The following CUEDC1 variants were observed in gnomAD, a reference collection of about 807,000 sequenced individuals.
The protein encoded by CUEDC1 is CUE domain-containing protein 1.
A neutral mutation model predicts 43.7 loss-of-function variants in CUEDC1; 30 were observed. That is an observed-to-expected ratio of 0.69 (90% CI 0.51 to 0.93). The LOEUF (loss-of-function observed/expected upper bound fraction) is 0.93, where lower values mean the gene tolerates loss of function less well. Ranked by LOEUF, CUEDC1 falls within the 40% of genes least tolerant of loss-of-function variation. CUEDC1 has a pLI of 0.00. For missense variants in CUEDC1, 486 were observed against 549.0 expected (o/e 0.89, Z 1.15); for synonymous variants, 223 against 223.6 (o/e 1.00, Z 0.02).
chr17:57,866,371 C>G, intron 10 of CUEDC1, 103 bp downstream of exon 10: 2 of 1,075,340 alleles, frequency 1.9e-6, no homozygotes, highest in Non-Finnish European at 2.8e-6. Context: ...ACCCAGTTGC[C>G]TGAGCCCAGC....
intron 7 of CUEDC1, chr17:57,868,483 G>C: frequency 1.8e-6 from 1 of 548,942 alleles, no homozygotes; most frequent in Non-Finnish European, 3.3e-6. Context: ...GACACCCTGA[G>C]CCAGGCCCAG....
chr17:57,896,487 GGTGTGTGTGTGTGTGTGTGTGTGTGT>G lies in CUEDC1; in HGVS notation c.-315-10634_-315-10609del, dbSNP rs1555660568. 2.4e-3 allele frequency among the ~76,000 whole-genome samples: 312 copies of G among 130,372 alleles called. 4 individuals carry two copies. Among genetic ancestry groups the G allele is most frequent in the African/African-American group, 0.01 (308 of 30,182 alleles). The allele number at this position is 130,372 out of a possible 152,430, so 85.5% of individuals were successfully genotyped here. Reference sequence around the variant, plus strand: ...GTCACTCTACTATAGTGCATTATGGGGTGTGTGTGTGTGTGTGTGTGTGTGTGTGTGTGTGTGTGTATGAAATCCGA... The same window carrying G: ...GTCACTCTACTATAGTGCATTATGGGGTGTGTGTGTGTGTATGAAATCCGA... On this transcript the variant is annotated intron_variant, in intron 1 of 10. Coordinates refer to ENST00000577830, the MANE Select transcript of CUEDC1 (RefSeq NM_001271875.2).
chr17:57,910,242 GAGTA>G (rs1280929563), intron 1 of CUEDC1, among the ~76,000 whole-genome samples: 6 of 152,086 alleles, frequency 3.9e-5, no homozygotes, highest in Non-Finnish European at 7.4e-5. Context: ...GGAGTTCATG[GAGTA>G]AGTTTTTTTT....
At chr17:57,942,906 T>C (rs2074929646) in intron 1 of CUEDC1, among the ~76,000 whole-genome samples, 1 of 151,836 alleles carries the variant, frequency 6.6e-6, no homozygotes, top group African/African-American at 2.4e-5. Context: ...CAGGTGCCTG[T>C]AGTCCCAGCT....
chr17:57,885,690 C>A lies in CUEDC1; in HGVS notation c.-126G>T. 7.7e-7 allele frequency: 1 copy of A among 1,295,158 alleles called. No individual in the cohort carries two copies. The highest frequency in any genetic ancestry group is 9.8e-7 in the Non-Finnish European group (1 of 1,023,806). The allele number at this position is 1,295,158 out of a possible 1,614,324, so 80.2% of individuals were successfully genotyped here. A position where few individuals can be genotyped will look rare whatever the true frequency, so the allele number is the denominator to read the frequency against. On this transcript the variant is annotated 5_prime_UTR_variant, in exon 2 of 11. Transcript: ENST00000577830. ...AGCTCACTCCTGCGCCTCCTCCTCC[C>A]CGGGTAGCCAGGCAGCAATGGGCTG...
intron 1 of CUEDC1, among the ~76,000 whole-genome samples, chr17:57,941,826 A>G (rs1247721453): frequency 6.6e-6 from 1 of 152,220 alleles, no homozygotes; most frequent in Non-Finnish European, 1.5e-5. Flanking sequence ...CCTCTTACAA[A>G]TGGGAACTAT....
chr17:57,902,501 T>C (rs1397577678), intron 1 of CUEDC1, among the ~76,000 whole-genome samples: 2 of 152,204 alleles, frequency 1.3e-5, no homozygotes, highest in Admixed American at 6.5e-5. Flanking sequence ...CCTTTGTGTA[T>C]GGTGAACCTG....
In CUEDC1 at chr17:57,872,728, A is replaced by G. The variant is rs2074051616; in HGVS notation, c.719T>C (p.Leu240Pro). 6.2e-7 allele frequency: 1 copy of G among 1,614,176 alleles called. No homozygotes were observed. The highest frequency in any genetic ancestry group is 8.5e-7 in the Non-Finnish European group (1 of 1,180,038). ...CTCCTTCATGAACTCCTCGTTCTGC[A>G]GGAAAAGCGCGATCCTCTCGTCCTC... ...YLEDERIALF[L>P]QNEEFMKELQ... The change falls in exon 5 of 11, where the codon CTG becomes CCG. Residue 240 changes from leucine to proline, a missense_variant. By Grantham distance (98) the Leu-to-Pro change is moderately conservative. Transcript: ENST00000577830.
chr17:57,901,207 C>T lies in CUEDC1; in HGVS notation c.-315-15328G>A, dbSNP rs564605387. Among the ~76,000 whole-genome samples, 24 of 152,318 alleles carry T rather than the reference C, an allele frequency of 1.6e-4. 1 individual carries two copies. The highest frequency in any genetic ancestry group is 3.9e-4 in the Admixed American group (6 of 15,300). ...CCTACTGGGCCTCCAGGTTTCCATC[C>T]GGAAAATGGGAGGGTAGGACTAAAT... On this transcript the variant is annotated intron_variant, in intron 1 of 10. Coordinates refer to ENST00000577830, the MANE Select transcript of CUEDC1 (RefSeq NM_001271875.2).
At chr17:57,865,823 CTTT>C (rs35170290) in intron 10 of CUEDC1, among the ~76,000 whole-genome samples, 191 of 134,692 alleles carry the variant, frequency 1.4e-3, no homozygotes, top group African/African-American at 4.7e-3. Context: ...TTTTCTTTTT[CTTT>C]TTTTTTTTTT....
intron 2 of CUEDC1, among the ~76,000 whole-genome samples, chr17:57,881,311 T>C (rs890083797): frequency 2.0e-5 from 3 of 152,232 alleles, no homozygotes; most frequent in East Asian, 1.9e-4. Flanking sequence ...GCCAAAAGTA[T>C]TTAAACAGAT....
rs529828995 is a variant in CUEDC1 at position 57,940,829 on chromosome 17, A to G, written c.-316+14396T>C. On this transcript the variant is annotated intron_variant, in intron 1 of 10. Coordinates refer to ENST00000577830, the MANE Select transcript of CUEDC1 (RefSeq NM_001271875.2). ...AATAACTACCCTTAGGAAGCACCCTATCTGGTGACTCATAAGCCCCACTTG... is the reference window on the plus strand; with the variant it reads ...AATAACTACCCTTAGGAAGCACCCTGTCTGGTGACTCATAAGCCCCACTTG... Among the ~76,000 whole-genome samples, 21 of 152,316 alleles carry G rather than the reference A, an allele frequency of 1.4e-4. No homozygotes were observed. The East Asian group carries it at 3.9e-3, about 28-fold the overall frequency.
intron 1 of CUEDC1, among the ~76,000 whole-genome samples, chr17:57,928,493 G>T (rs1250043822): frequency 3.4e-5 from 5 of 147,032 alleles, no homozygotes; most frequent in Non-Finnish European, 7.4e-5. Context: ...CGCTTACAGT[G>T]AGCTGAGATC....
chr17:57,901,166 C>T (rs1024540315), intron 1 of CUEDC1, among the ~76,000 whole-genome samples: 2 of 152,212 alleles, frequency 1.3e-5, no homozygotes, highest in African/African-American at 2.4e-5. Context: ...CAAGTGACCT[C>T]GGACACATCA....
chr17:57,925,167 G>A (rs371499057), intron 1 of CUEDC1, among the ~76,000 whole-genome samples: 2 of 150,492 alleles, frequency 1.3e-5, no homozygotes, highest in Admixed American at 1.3e-4. Flanking sequence ...GTTTTCAGCC[G>A]TAGTACTGAA....
At chr17:57,867,144 A>G in intron 9 of CUEDC1, 1 of 604,196 alleles carries the variant, frequency 1.7e-6, no homozygotes, top group Non-Finnish European at 3.0e-6. Context: ...TCTAGGTGGA[A>G]GTAGGGCTAG....
At chr17:57,889,726 G>C (rs1345031957) in intron 1 of CUEDC1, among the ~76,000 whole-genome samples, 1 of 152,182 alleles carries the variant, frequency 6.6e-6, no homozygotes, top group East Asian at 1.9e-4. Flanking sequence ...AGCAGTAATG[G>C]GAAGCATTTT....
In CUEDC1 at chr17:57,933,296, T is replaced by C. The variant is rs562575930; in HGVS notation, c.-316+21929A>G. ...AAGTAAACAACAATGTCTGTAACTT[T>C]ATATAGCCTTGATGTTCTAACGTGT... On this transcript the variant is annotated intron_variant, in intron 1 of 10. Coordinates refer to ENST00000577830, the MANE Select transcript of CUEDC1 (RefSeq NM_001271875.2). Among the ~76,000 whole-genome samples the C allele has an allele frequency of 4.0e-4, 60 of 150,558 alleles. 1 individual carries two copies. Among genetic ancestry groups the C allele is most frequent in the Non-Finnish European group, 1.0e-4 (7 of 67,566 alleles).
At chr17:57,920,632 CTTT>C (rs58900177) in intron 1 of CUEDC1, among the ~76,000 whole-genome samples, 11 of 115,174 alleles carry the variant, frequency 9.6e-5, no homozygotes, top group Non-Finnish European at 1.5e-4. Flanking sequence ...TTTTTCTTTT[CTTT>C]TTTTTTTTTT....
Sources: allele counts gnomAD v4.1 joint callset (sites outside exome capture counted in the v4.1 genomes callset), GRCh38; gene constraint gnomAD v4.1.1; transcripts MANE v1.5; gene names NCBI Gene and HGNC (gene_info 2026-07-23, HGNC 2026-07-21).